Variants in NAV1 observed in about 807,000 individuals in gnomAD.
NAV1 encodes neuron navigator 1.
Under a neutral mutation model 175.2 loss-of-function variants are expected in NAV1, and 18 were observed. That is an observed-to-expected ratio of 0.10 (90% CI 0.07 to 0.15). The LOEUF is 0.15. NAV1 is among the 10% of genes least tolerant of loss of function. The pLI is 1.00. For missense variants in NAV1, 1,731 were observed against 2,436.6 expected, an observed-to-expected ratio of 0.71 and a Z score of 6.10; for synonymous variants, 897 against 978.7, an observed-to-expected ratio of 0.92 and a Z score of 1.56.
chr1:201,772,625 C>A (rs1675660667), intron 3 of NAV1, among the ~76,000 whole-genome samples: 1 of 152,102 alleles, frequency 6.6e-6, no homozygotes, highest in Non-Finnish European at 1.5e-5. Flanking sequence ...TTGTCTATAC[C>A]TCTGTCATGG....
At chr1:201,607,870 TTGTG>T (rs57110688) in intron 2 of NAV1, among the ~76,000 whole-genome samples, 1,441 of 138,248 alleles carry the variant, frequency 0.01, 15 homozygotes, top group African/African-American at 0.025. Context: ...GATAACTTTA[TTGTG>T]TGTGTGTGTG....
At chr1:201,540,620 T>C (rs926688988) in intron 1 of NAV1, among the ~76,000 whole-genome samples, 3 of 152,214 alleles carry the variant, frequency 2.0e-5, no homozygotes, top group Non-Finnish European at 4.4e-5. Context: ...AGCTTGCTTA[T>C]GACATTTTTT....
At chr1:201,757,559 T>C (rs537038738) in intron 3 of NAV1, among the ~76,000 whole-genome samples, 2 of 152,358 alleles carry the variant, frequency 1.3e-5, no homozygotes, top group East Asian at 3.9e-4. Context: ...AGTTTCTATA[T>C]TTGATATTCT....
chr1:201,623,517 C>A, exon 1 of NAV1: 2 of 986,180 alleles, frequency 2.0e-6, no homozygotes, highest in Non-Finnish European at 2.4e-6. Context: ...AGGGCAAGCG[C>A]CCCTCTCCCT....
chr1:201,778,801 C>A (rs894253194), intron 3 of NAV1, among the ~76,000 whole-genome samples: 1 of 152,208 alleles, frequency 6.6e-6, no homozygotes, highest in African/African-American at 2.4e-5. Flanking sequence ...CTGGGCCAAC[C>A]ACTTAGATGA....
chr1:201,793,909 T>TGGGGGGGGCCC, intron 14 of NAV1, 34 bp downstream of exon 18: 1 of 516,476 alleles, frequency 1.9e-6, no homozygotes, highest in Non-Finnish European at 3.9e-6. Flanking sequence ...GAGGGGTGGG[T>TGGGGGGGGCCC]GCGGCGAGGG....
chr1:201,602,667 G>GTTTTTTTTTTTTTTTGT (rs374267102), intron 2 of NAV1, among the ~76,000 whole-genome samples: 1 of 120,680 alleles, frequency 8.3e-6, no homozygotes, highest in African/African-American at 2.9e-5. Context: ...TTTTTTTTTG[G>GTTTTTTTTTTTTTTTGT]TTTTTTTTTT....
intron 1 of NAV1, among the ~76,000 whole-genome samples, chr1:201,546,017 G>A (rs185246078): frequency 7.2e-5 from 11 of 152,350 alleles, no homozygotes; most frequent in African/African-American, 2.4e-4. Flanking sequence ...GGAGTATCTG[G>A]GTTCTGGGTA....
exon 30 of NAV1, chr1:201,823,880 A>G (rs547487857): frequency 9.9e-5 from 15 of 152,222 alleles, no homozygotes; most frequent in African/African-American, 3.4e-4. Context: ...TTCCTAAAGT[A>G]TTCTAAAAGA....
intron 1 of NAV1, among the ~76,000 whole-genome samples, chr1:201,686,654 C>G (rs1039038626): frequency 2.6e-5 from 4 of 152,230 alleles, no homozygotes; most frequent in Admixed American, 6.5e-5. Flanking sequence ...ATCCCCCACT[C>G]CAACCCATTT....
At chr1:201,669,328 A>G (rs1669947933) in intron 1 of NAV1, among the ~76,000 whole-genome samples, 1 of 152,180 alleles carries the variant, frequency 6.6e-6, no homozygotes, top group South Asian at 2.1e-4. Flanking sequence ...TTCTCTGAGG[A>G]GGTGAGCCTT....
chr1:201,789,916 C>A, intron 11 of NAV1, 124 bp downstream of exon 15: 1 of 914,902 alleles, frequency 1.1e-6, no homozygotes, highest in Non-Finnish European at 1.8e-6. Context: ...TTCACTGTAC[C>A]CATTGGGGTG....
chr1:201,578,070 A>C (rs1666744556), intron 1 of NAV1, among the ~76,000 whole-genome samples: 1 of 152,134 alleles, frequency 6.6e-6, no homozygotes, highest in Non-Finnish European at 1.5e-5. Flanking sequence ...TTCTTGGAGT[A>C]CTTTTTCAGC....
chr1:201,727,419 C>T (rs1267084838), intron 3 of NAV1, among the ~76,000 whole-genome samples: 1 of 152,206 alleles, frequency 6.6e-6, no homozygotes, highest in Non-Finnish European at 1.5e-5. Context: ...GCAAATGGTG[C>T]CCATCTGTGG....
chr1:201,800,510 A>G (rs1300463823), intron 15 of NAV1, among the ~76,000 whole-genome samples: 1 of 152,244 alleles, frequency 6.6e-6, no homozygotes, highest in East Asian at 1.9e-4. Flanking sequence ...CTTTCATGCT[A>G]TAACAGCAGA....
Position 201,750,118 on chromosome 1 carries a change from T to C in NAV1, c.1227-30303T>C, listed in dbSNP as rs1242519786. Among the ~76,000 whole-genome samples, 1 of 152,148 alleles carries C rather than the reference T, an allele frequency of 6.6e-6. No homozygotes were observed. The highest frequency in any genetic ancestry group is 6.5e-5 in the Admixed American group (1 of 15,278). ...CTCAAGTTGGAAAAGCAGAAGTGTATCAGGAAAAATTCTATTGGTCCTAGT... is the reference window on the plus strand; with the variant it reads ...CTCAAGTTGGAAAAGCAGAAGTGTACCAGGAAAAATTCTATTGGTCCTAGT... On this transcript the variant is annotated intron_variant, in intron 3 of 29. Transcript: ENST00000367296. The surrounding 1 kb of genome is among the most constrained non-coding windows in gnomAD (Gnocchi z 4.1).
At chr1:201,626,577 C>A (rs1419097334) in intron 1 of NAV1, among the ~76,000 whole-genome samples, 5 of 152,228 alleles carry the variant, frequency 3.3e-5, no homozygotes, top group Non-Finnish European at 5.9e-5. Context: ...TCTCACACAT[C>A]TAATTCCATC....
chr1:201,755,317 T>C (rs1178566349), intron 3 of NAV1, among the ~76,000 whole-genome samples: 5 of 152,166 alleles, frequency 3.3e-5, no homozygotes, highest in Non-Finnish European at 7.3e-5. Flanking sequence ...GGCACAGGCC[T>C]GTGGTCCCAG....
rs994940477 is a variant in NAV1, at chr1:201,808,191, T to C, written c.3845+42T>C. 4 of 1,604,612 alleles carry C rather than the reference T, an allele frequency of 2.5e-6. No homozygotes were observed. Among genetic ancestry groups the C allele is most frequent in the Non-Finnish European group, 3.4e-6 (4 of 1,172,738 alleles). ...TCCCTGCCACCCAGCCTGTTACCAG[T>C]GTAAGCTGTGGGCTAGAGTTGACAG... On this transcript the variant is annotated intron_variant, in intron 18 of 29. Transcript: ENST00000367296. This position sits in a 1 kb window ranked among gnomAD's most constrained non-coding sequence, Gnocchi z 5.5.
Sources: gnomAD v4.1 joint callset for allele counts (sites outside exome capture counted in the v4.1 genomes callset) on GRCh38, gnomAD v4.1.1 for gene constraint, Gnocchi (gnomAD v3.1) non-coding constraint, MANE v1.5 for transcripts, NCBI Gene and HGNC (gene_info 2026-07-23, HGNC 2026-07-21) for gene names.